Variants in DLC1 observed in about 807,000 individuals in gnomAD.
The protein encoded by DLC1 is DLC1 Rho GTPase activating protein.
In DLC1, 54 loss-of-function variants were observed where a neutral mutation model predicts 140.3. That is an observed-to-expected ratio of 0.38 (90% CI 0.31 to 0.48). DLC1 has a LOEUF of 0.48. Ranked by LOEUF, DLC1 falls within the 20% of genes least tolerant of loss-of-function variation. The pLI is 0.96. For missense variants in DLC1, 2,536 were observed against 1,907.0 expected, an observed-to-expected ratio of 1.33 and a Z score of -6.14; for synonymous variants, 986 against 728.1, an observed-to-expected ratio of 1.35 and a Z score of -5.70.
intron 2 of DLC1, among the ~76,000 whole-genome samples, chr8:13,496,785 C>CTTTTTTTTTTTTTTTTTTTTTTG (rs1491502803): frequency 1.2e-4 from 1 of 8,630 alleles, no homozygotes; most frequent in East Asian, 7.4e-4. Flanking sequence ...TAGACCATTT[C>CTTTTTTTTTTTTTTTTTTTTTTG]CTTTTTTTTT....
At chr8:13,124,700 T>C (rs1821406648) in intron 5 of DLC1, among the ~76,000 whole-genome samples, 1 of 152,234 alleles carries the variant, frequency 6.6e-6, no homozygotes, top group African/African-American at 2.4e-5. Flanking sequence ...GCTTCATCTA[T>C]AAAACCTGCG....
chr8:13,592,989 A>C (rs981916689), intron 1 of DLC1, among the ~76,000 whole-genome samples: 1 of 152,072 alleles, frequency 6.6e-6, no homozygotes, highest in African/African-American at 2.4e-5. Flanking sequence ...TTCCAAGCCT[A>C]AGTGCAATTT....
intron 1 of DLC1, among the ~76,000 whole-genome samples, chr8:13,576,199 G>T (rs2117427741): frequency 6.6e-6 from 1 of 152,336 alleles, no homozygotes; most frequent in African/African-American, 2.4e-5. Context: ...TACATAAAGT[G>T]TAATAACCCG....
chr8:13,372,898 T>A (rs17092222), intron 4 of DLC1, among the ~76,000 whole-genome samples: 3,878 of 152,334 alleles, frequency 0.025, 63 homozygotes, highest in Middle Eastern at 0.041. Flanking sequence ...GCAACAGATT[T>A]GAATGCCATC....
chr8:13,094,724 C>T (rs1432373555), intron 12 of DLC1, 35 bp downstream of exon 12: 1 of 1,610,978 alleles, frequency 6.2e-7, no homozygotes, highest in East Asian at 2.2e-5. Context: ...CATTTTTCCC[C>T]AATGCCAACA....
intron 4 of DLC1, among the ~76,000 whole-genome samples, chr8:13,311,919 T>G (rs1012697612): frequency 1.4e-4 from 21 of 152,162 alleles, no homozygotes; most frequent in South Asian, 4.1e-4. Context: ...GACTCTGTCT[T>G]CAACAAATCC....
intron 5 of DLC1, among the ~76,000 whole-genome samples, chr8:13,121,593 G>C (rs1275295296): frequency 1.3e-5 from 2 of 152,098 alleles, no homozygotes; most frequent in Admixed American, 6.5e-5. Flanking sequence ...CTGTCACCTA[G>C]GCTGGAGTCT....
intron 3 of DLC1, among the ~76,000 whole-genome samples, chr8:13,395,139 G>GCA (rs1836976632): frequency 1.9e-5 from 2 of 107,996 alleles, no homozygotes; most frequent in African/African-American, 7.1e-5. Context: ...TTTTTTTTTT[G>GCA]GAATGGAGTC....
intron 5 of DLC1, among the ~76,000 whole-genome samples, chr8:13,180,304 T>C (rs1825963040): frequency 6.6e-6 from 1 of 152,212 alleles, no homozygotes; most frequent in African/African-American, 2.4e-5. Context: ...TCTTATCCAC[T>C]TGATCATTAG....
At chr8:13,323,080 G>C (rs1833189963) in intron 4 of DLC1, among the ~76,000 whole-genome samples, 1 of 152,206 alleles carries the variant, frequency 6.6e-6, no homozygotes, top group Admixed American at 6.5e-5. Context: ...AGTCAAGTCT[G>C]TGGAAAACCC....
chr8:13,101,189 G>T (rs2128938331), intron 8 of DLC1, among the ~76,000 whole-genome samples: 1 of 152,308 alleles, frequency 6.6e-6, no homozygotes, highest in Non-Finnish European at 1.5e-5. Flanking sequence ...GGGATTACAG[G>T]CATGAGCCAC....
intron 5 of DLC1, chr8:13,133,472 C>T (rs1160821203): frequency 3.8e-6 from 1 of 265,422 alleles, no homozygotes; most frequent in African/African-American, 2.4e-5. Flanking sequence ...TGGCCGCAGC[C>T]TCAGGCCGCC....
intron 1 of DLC1, among the ~76,000 whole-genome samples, chr8:13,565,771 C>G (rs1256470100): frequency 3.9e-5 from 6 of 152,060 alleles, no homozygotes; most frequent in Non-Finnish European, 5.9e-5. Flanking sequence ...TTGACTAAGT[C>G]CTAGACTCAA....
chr8:13,518,475 A>C (rs1440016902), upstream of DLC1, among the ~76,000 whole-genome samples: 1 of 152,210 alleles, frequency 6.6e-6, no homozygotes, highest in African/African-American at 2.4e-5. Flanking sequence ...TCATTTATCT[A>C]GTCATTTCCC....
rs1470310697 is a variant in DLC1 at position 13,258,046 on chromosome 8, A to G, written c.1348+47223T>C. On this transcript the variant is annotated intron_variant, in intron 5 of 17. Transcript: ENST00000276297. ...AGTAGCAAGGAGCCACAATTAAGTA[A>G]CTACTTAAACACAGCAAGTTTCAAT... is the stretch of plus-strand genomic sequence containing the variant. 4.6e-5 allele frequency among the ~76,000 whole-genome samples: 7 copies of G among 152,356 alleles called. No homozygotes were observed. In the South Asian group the frequency reaches 1.4e-3, roughly 32 times the overall value.
intron 3 of DLC1, among the ~76,000 whole-genome samples, chr8:13,396,174 C>G (rs1306419099): frequency 1.3e-5 from 2 of 151,586 alleles, no homozygotes; most frequent in Admixed American, 6.6e-5. Flanking sequence ...ATTCTCCTGC[C>G]TCGGCCTCCC....
At chr8:13,381,145 T>A (rs1023241079) in intron 4 of DLC1, among the ~76,000 whole-genome samples, 3 of 152,116 alleles carry the variant, frequency 2.0e-5, no homozygotes, top group Non-Finnish European at 4.4e-5. Context: ...GCTGTATTAG[T>A]ATGAGCTAAA....
At chr8:13,188,152 C>G (rs1826495838) in intron 5 of DLC1, among the ~76,000 whole-genome samples, 1 of 140,952 alleles carries the variant, frequency 7.1e-6, no homozygotes, top group Non-Finnish European at 1.5e-5. Context: ...GGTGCAATCT[C>G]AGCTCACTGC....
chr8:13,292,414 CT>C (rs1831792176), intron 5 of DLC1, among the ~76,000 whole-genome samples: 1 of 152,112 alleles, frequency 6.6e-6, no homozygotes, highest in South Asian at 2.1e-4. Flanking sequence ...CCAGGTCACT[CT>C]TTTTTAAGGC....
Sources: allele counts gnomAD v4.1 joint callset (sites outside exome capture counted in the v4.1 genomes callset), GRCh38; gene constraint gnomAD v4.1.1; transcripts MANE v1.5; gene names NCBI Gene and HGNC (gene_info 2026-07-23, HGNC 2026-07-21).